Variants in GRIA1 observed in about 807,000 individuals in gnomAD.
The protein encoded by GRIA1 is glutamate receptor 1.
GRIA1 carries 31 observed loss-of-function variants against 99.2 expected under a neutral mutation model. The observed-to-expected ratio is 0.31, with a 90% confidence interval of 0.23 to 0.42. The LOEUF (loss-of-function observed/expected upper bound fraction) is 0.42. Among genes scored for constraint, GRIA1 ranks in the 10% least tolerant of loss-of-function variants. The pLI is 1.00. For synonymous variants in GRIA1, 438 were observed against 432.4 expected (o/e 1.01, Z -0.16); for missense variants, 782 against 1,157.5 (o/e 0.68, Z 4.71).
At chr5:153,670,820 A>C (rs970838373) in intron 5 of GRIA1, among the ~76,000 whole-genome samples, 2 of 152,160 alleles carry the variant, frequency 1.3e-5, no homozygotes, top group Non-Finnish European at 2.9e-5. Context: ...CCCCCTTCTT[A>C]GTCAAGAACA....
chr5:153,792,020 A>G (rs2149656186), intron 13 of GRIA1, among the ~76,000 whole-genome samples: 1 of 152,312 alleles, frequency 6.6e-6, no homozygotes, highest in Non-Finnish European at 1.5e-5. Flanking sequence ...AATCACAGAG[A>G]ACATAGCTCC....
intron 14 of GRIA1, among the ~76,000 whole-genome samples, chr5:153,802,147 T>G (rs1377704205): frequency 3.3e-5 from 5 of 152,070 alleles, no homozygotes; most frequent in African/African-American, 1.2e-4. Context: ...GCTTGGAAAA[T>G]GTATAAATAC....
intron 11 of GRIA1, among the ~76,000 whole-genome samples, chr5:153,749,284 T>C (rs1762357587): frequency 6.6e-6 from 1 of 152,202 alleles, no homozygotes; most frequent in African/African-American, 2.4e-5. Flanking sequence ...TGGGATTCAT[T>C]ATCTCCCTTT....
chr5:153,776,275 C>T (rs1200225838), intron 13 of GRIA1, among the ~76,000 whole-genome samples: 1 of 152,208 alleles, frequency 6.6e-6, no homozygotes, highest in Non-Finnish European at 1.5e-5. Flanking sequence ...CTAGTCATAT[C>T]CTTCACTTTA....
chr5:153,552,898 A>G, intron 2 of GRIA1, among the ~76,000 whole-genome samples: 1 of 152,164 alleles, frequency 6.6e-6, no homozygotes, highest in Non-Finnish European at 1.5e-5. Flanking sequence ...CTTAGGATGA[A>G]TTATTTATTT....
Position 153,812,531 on chromosome 5 carries a change from A to G in GRIA1, c.*1306A>G, listed in dbSNP as rs1281864511. 1.3e-5 allele frequency: 2 copies of G among 152,236 alleles called. No homozygotes were observed. Among genetic ancestry groups the G allele is most frequent in the African/African-American group, 4.8e-5 (2 of 41,456 alleles). The allele number at this position is 152,236 out of a possible 1,614,324, so 9.4% of individuals were successfully genotyped here. On this transcript the variant is annotated 3_prime_UTR_variant, in exon 16 of 16. Coordinates refer to ENST00000285900, the MANE Select transcript of GRIA1 (RefSeq NM_000827.4). The stretch of plus-strand genomic sequence containing the variant: ...ACCAAGGAAATAATTGAAGGAGTAT[A>G]GGGAGATGGATTAAGTTGATAATGA...
chr5:153,621,661 G>A (rs1389139704), intron 2 of GRIA1, among the ~76,000 whole-genome samples: 1 of 152,094 alleles, frequency 6.6e-6, no homozygotes, highest in Non-Finnish European at 1.5e-5. Context: ...GAGATGCTAA[G>A]TTCCAGCCTG....
At chr5:153,526,974 A>G (rs1757656738) in intron 2 of GRIA1, among the ~76,000 whole-genome samples, 1 of 152,220 alleles carries the variant, frequency 6.6e-6, no homozygotes, top group Admixed American at 6.5e-5. Context: ...AAGAGGCTAG[A>G]TAGAGAGACT....
intron 10 of GRIA1, among the ~76,000 whole-genome samples, chr5:153,704,251 C>A (rs1169480348): frequency 6.6e-6 from 1 of 152,266 alleles, no homozygotes; most frequent in Admixed American, 6.5e-5. Context: ...TCACCAGCTT[C>A]ACTTCTGGGC....
chr5:153,650,524 GC>G lies in GRIA1; in HGVS notation c.645+11del. 6.2e-7 allele frequency: 1 copy of G among 1,612,758 alleles called. No homozygotes were observed. Among genetic ancestry groups the G allele is most frequent in the Non-Finnish European group, 8.5e-7 (1 of 1,179,222 alleles). ...TGCTATCTTGGGCCAGGTAGTGAAA[GC>G]AGCAAGGGCTCAGGGTGGGTGCGGG... On this transcript the variant is annotated intron_variant, in intron 4 of 15. Transcript: ENST00000285900.
chr5:153,533,365 T>C (rs1487178892), intron 2 of GRIA1, among the ~76,000 whole-genome samples: 1 of 151,750 alleles, frequency 6.6e-6, no homozygotes. Flanking sequence ...AAGTGTATCA[T>C]CTAGGATGGA....
At chr5:153,563,864 G>T (rs1761380854) in intron 2 of GRIA1, among the ~76,000 whole-genome samples, 1 of 152,188 alleles carries the variant, frequency 6.6e-6, no homozygotes, top group South Asian at 2.1e-4. Flanking sequence ...AGGGGGTATG[G>T]AGGCAGTCTA....
rs572909291 is a variant in GRIA1 at position 153,607,206 on chromosome 5, G to C, written c.221-39722G>C. 8.6e-5 allele frequency among the ~76,000 whole-genome samples: 13 copies of C among 151,792 alleles called. No homozygotes were observed. In the South Asian group the frequency reaches 1.5e-3, roughly 17 times the overall value. Reference sequence around the variant, plus strand: ...ATAATGACTTGTTTTCCTCTGGGTAGATTTATAATCTCACCTTCTATACTA... The same window carrying C: ...ATAATGACTTGTTTTCCTCTGGGTACATTTATAATCTCACCTTCTATACTA... On this transcript the variant is annotated intron_variant, in intron 2 of 15. Coordinates refer to ENST00000285900, the MANE Select transcript of GRIA1 (RefSeq NM_000827.4).
At chr5:153,759,215 T>C (rs1358415783) in intron 11 of GRIA1, among the ~76,000 whole-genome samples, 6 of 144,454 alleles carry the variant, frequency 4.2e-5, no homozygotes, top group Admixed American at 4.1e-4. Context: ...AGGAAATAAA[T>C]CATAAAGACC....
intron 11 of GRIA1, among the ~76,000 whole-genome samples, chr5:153,758,589 A>G (rs1193128112): frequency 2.0e-5 from 3 of 151,972 alleles, no homozygotes; most frequent in African/African-American, 7.2e-5. Flanking sequence ...CTTAAAGAGA[A>G]CTATACTCTG....
At chr5:153,524,733 TGTATA>T (rs1757450507) in intron 2 of GRIA1, among the ~76,000 whole-genome samples, 1 of 152,234 alleles carries the variant, frequency 6.6e-6, no homozygotes, top group South Asian at 2.1e-4. Flanking sequence ...CAGTGCCTTC[TGTATA>T]GTATTAGCTC....
chr5:153,636,745 C>T (rs1753389160), intron 2 of GRIA1, among the ~76,000 whole-genome samples: 1 of 152,184 alleles, frequency 6.6e-6, no homozygotes, highest in Non-Finnish European at 1.5e-5. Flanking sequence ...AACATTGTAT[C>T]CCCACCCTGT....
In GRIA1 at chr5:153,813,186, A is replaced by G. The variant is rs1020558619; in HGVS notation, c.*1961A>G. On this transcript the variant is annotated 3_prime_UTR_variant, in exon 16 of 16. Transcript: ENST00000285900. Reference sequence around the variant, plus strand: ...CATGGTTCATGAAACCGGACCCTCAAGATGGATGATTGCTTTTAACTACTG... The same window carrying G: ...CATGGTTCATGAAACCGGACCCTCAGGATGGATGATTGCTTTTAACTACTG... The G allele has an allele frequency of 6.6e-6, 1 of 152,204 alleles. No homozygotes were observed. The highest frequency in any genetic ancestry group is 2.4e-5 in the African/African-American group (1 of 41,456). The allele number at this position is 152,204 out of a possible 1,614,324, so 9.4% of individuals were successfully genotyped here.
chr5:153,710,023 A>G (rs1759196381), intron 11 of GRIA1, among the ~76,000 whole-genome samples: 2 of 152,212 alleles, frequency 1.3e-5, no homozygotes, highest in Non-Finnish European at 2.9e-5. Flanking sequence ...ATGCCAGCGA[A>G]TGCTACTGAA....
Sources: gnomAD v4.1 joint callset for allele counts (sites outside exome capture counted in the v4.1 genomes callset) on GRCh38, gnomAD v4.1.1 for gene constraint, MANE v1.5 for transcripts, NCBI Gene and HGNC (gene_info 2026-07-23, HGNC 2026-07-21) for gene names.